SPATA7: variants seen among roughly 807,000 people sequenced by gnomAD.
The protein encoded by SPATA7 is spermatogenesis associated 7.
Under a neutral mutation model 51.8 loss-of-function variants are expected in SPATA7, and 43 were observed. The ratio of observed to expected loss-of-function variants is 0.83; its 90% CI spans 0.65 to 1.07. SPATA7 has a LOEUF of 1.07. Ranked by LOEUF, SPATA7 falls within the 50% of genes least tolerant of loss-of-function variation. SPATA7 has a pLI of 0.00. For missense variants in SPATA7, 683 were observed against 701.3 expected, an observed-to-expected ratio of 0.97 and a Z score of 0.30; for synonymous variants, 230 against 252.8, an observed-to-expected ratio of 0.91 and a Z score of 0.86.
intron 3 of SPATA7, among the ~76,000 whole-genome samples, chr14:88,394,091 C>A (rs949568061): frequency 6.6e-6 from 1 of 152,116 alleles, no homozygotes; most frequent in African/African-American, 2.4e-5. Context: ...TATTTTGTGA[C>A]CTGAAATTCA....
At chr14:88,416,058 CT>C (rs1041663590) in intron 4 of SPATA7, 4 of 152,340 alleles carry the variant, frequency 2.6e-5, no homozygotes, top group African/African-American at 9.7e-5. Context: ...CGAGCAAAAG[CT>C]TCCTGTGGTC....
Position 88,426,652 on chromosome 14 carries a change from A to C in SPATA7, c.793A>C (p.Lys265Gln), listed in dbSNP as rs553234090. The stretch of plus-strand genomic sequence containing the variant: ...TCGCTATTATACACCTGCCAAAAGA[A>C]AAAAGGATTTTACAGATCAACGGAT... ...QYRYYTPAKR[K>Q]KDFTDQRIEA... Residue 265 changes from lysine (K) to glutamine (Q), a missense_variant, in exon 6 of 12, where the codon AAA becomes CAA. By Grantham distance (53) the Lys-to-Gln change is moderately conservative. Coordinates refer to ENST00000393545, the MANE Select transcript of SPATA7 (RefSeq NM_018418.5). 1 of 1,614,036 alleles carries C rather than the reference A, an allele frequency of 6.2e-7. No individual in the cohort carries two copies. Among genetic ancestry groups the C allele is most frequent in the East Asian group, 2.2e-5 (1 of 44,880 alleles).
intron 4 of SPATA7, among the ~76,000 whole-genome samples, chr14:88,412,227 T>TC (rs200076738): frequency 1.1e-4 from 15 of 141,298 alleles, no homozygotes; most frequent in South Asian, 4.2e-4. Context: ...TCTTGCTTTT[T>TC]TTTTTTTTTT....
At position 88,416,799 on chromosome 14, in the gene SPATA7, C is replaced by A. The variant is rs1316094378; in HGVS notation, c.327C>A (p.Ala109=). The A allele has an allele frequency of 2.5e-6, 4 of 1,606,460 alleles. No homozygotes were observed. Residue 109 remains alanine (A), a synonymous_variant, in exon 5 of 12, where the codon GCC becomes GCA. Coordinates refer to ENST00000393545, the MANE Select transcript of SPATA7 (RefSeq NM_018418.5). ...AATTAACTAAAACTGCAATGCGAGC[C>A]AATTATAAAAATAATTCCAAGTCAC... ...EFKLTKTAMR[A]NYKNNSKSLF...
intron 9 of SPATA7, among the ~76,000 whole-genome samples, chr14:88,431,700 AG>A (rs2076945702): frequency 6.6e-6 from 1 of 152,184 alleles, no homozygotes; most frequent in Admixed American, 6.5e-5. Context: ...CATATGAGTG[AG>A]AACATGCGAT....
At chr14:88,455,573 A>T (rs923672195), downstream of SPATA7, among the ~76,000 whole-genome samples, 1 of 151,660 alleles carries the variant, frequency 6.6e-6, no homozygotes, top group Non-Finnish European at 1.5e-5. Flanking sequence ...CCCATTAAAT[A>T]TACACACCTT....
At chr14:88,446,280 TG>T (rs2077211787) in intron 3 of SPATA7, among the ~76,000 whole-genome samples, 1 of 152,138 alleles carries the variant, frequency 6.6e-6, no homozygotes, top group Non-Finnish European at 1.5e-5. Context: ...TAGAGGTGTT[TG>T]TAGTATTCTC....
chr14:88,442,940 ATTTT>A (rs201523703), downstream of SPATA7, among the ~76,000 whole-genome samples: 6 of 124,258 alleles, frequency 4.8e-5, no homozygotes, highest in Admixed American at 8.3e-5. Context: ...TTTGTTAGTA[ATTTT>A]TTTTTTTTTT....
intron 3 of SPATA7, among the ~76,000 whole-genome samples, chr14:88,448,593 G>GT (rs1439836169): frequency 6.6e-6 from 1 of 152,270 alleles, no homozygotes. Flanking sequence ...TTTCTGCTCT[G>GT]TTTTTTCCCC....
chr14:88,396,236 A>C (rs1342966600), intron 4 of SPATA7, 33 bp downstream of exon 4: 1 of 1,513,336 alleles, frequency 6.6e-7, no homozygotes, highest in Non-Finnish European at 9.1e-7. Flanking sequence ...TACCTTTTTA[A>C]AAAAAAATTA....
Position 88,385,845 on chromosome 14 carries a change from G to A in SPATA7, c.19+8G>A, listed in dbSNP as rs752675745. ...TGGATGGCAGCCGGAGAGGTAAAGG[G>A]CAGCTGTCAGGGGCTACCGCCGCCT... is the stretch of plus-strand genomic sequence containing the variant. On this transcript the variant is annotated splice_region_variant and intron_variant, in intron 1 of 11. Coordinates refer to ENST00000393545, the MANE Select transcript of SPATA7 (RefSeq NM_018418.5). 6.2e-7 allele frequency: 1 copy of A among 1,601,160 alleles called. No individual in the cohort carries two copies. Among genetic ancestry groups the A allele is most frequent in the Non-Finnish European group, 8.5e-7 (1 of 1,174,678 alleles).
At chr14:88,420,954 A>C (rs1321637642) in intron 5 of SPATA7, among the ~76,000 whole-genome samples, 4 of 151,934 alleles carry the variant, frequency 2.6e-5, no homozygotes, top group Non-Finnish European at 5.9e-5. Context: ...TCTCTACTAA[A>C]ATACAAAAAA....
intron 1 of SPATA7, among the ~76,000 whole-genome samples, chr14:88,390,347 A>G (rs1385739222): frequency 2.6e-5 from 4 of 152,140 alleles, no homozygotes; most frequent in African/African-American, 9.7e-5. Flanking sequence ...GATGTCACCA[A>G]GAAATCGCTT....
chr14:88,404,122 A>G (rs1248340797), intron 4 of SPATA7, among the ~76,000 whole-genome samples: 1 of 152,210 alleles, frequency 6.6e-6, no homozygotes, highest in Non-Finnish European at 1.5e-5. Context: ...TGGAAAGAAT[A>G]TATTAACCAG....
chr14:88,469,188 T>C lies in SPATA7; in HGVS notation c.255-659T>C, dbSNP rs1258387912. ...TAAGAGGACTGCAGATAAAGAGCAC[T>C]GGGTGCCAGTGAACCAAACCCAACC... On this transcript the variant is annotated intron_variant, in intron 4 of 4. Transcript: ENST00000556406. The surrounding 1 kb of genome is among the most constrained non-coding windows in gnomAD (Gnocchi z 4.3). 8.1e-7 allele frequency: 1 copy of C among 1,238,500 alleles called. No homozygotes were observed. Among genetic ancestry groups the C allele is most frequent in the Non-Finnish European group, 1.1e-6 (1 of 902,912 alleles). 76.7% of individuals were successfully genotyped at this position (1,238,500 alleles called of 1,614,324 possible). A position where few individuals can be genotyped will look rare whatever the true frequency, so the allele number is the denominator to read the frequency against.
rs1415743564 is a variant in SPATA7 at position 88,427,071 on chromosome 14, C to T, written c.845+367C>T. Among the ~76,000 whole-genome samples, 4 of 152,254 alleles carry T rather than the reference C, an allele frequency of 2.6e-5. No homozygotes were observed. The South Asian group carries it at 6.2e-4, about 24-fold the overall frequency. The stretch of plus-strand genomic sequence containing the variant: ...ATGTTAAAAGTGGCGAAACAATGGG[C>T]TATAGAGGGGAAGAAACTAACCCTT... On this transcript the variant is annotated intron_variant, in intron 6 of 11. Transcript: ENST00000393545.
intron 4 of SPATA7, among the ~76,000 whole-genome samples, chr14:88,398,037 G>A (rs958615785): frequency 4.6e-5 from 7 of 151,062 alleles, no homozygotes; most frequent in South Asian, 2.1e-4. Flanking sequence ...AGCAGAGATC[G>A]CATCACTGCA....
intron 10 of SPATA7, among the ~76,000 whole-genome samples, chr14:88,435,785 A>G (rs1377602496): frequency 6.6e-6 from 1 of 151,948 alleles, no homozygotes; most frequent in East Asian, 1.9e-4. Flanking sequence ...GCTGAATAGT[A>G]CTCCATGGTG....
intron 5 of SPATA7, among the ~76,000 whole-genome samples, chr14:88,418,953 G>A (rs182440125): frequency 1.1e-4 from 17 of 152,140 alleles, no homozygotes; most frequent in African/African-American, 4.1e-4. Flanking sequence ...CTTGTTTTAT[G>A]TCCCAGTAGG....
Sources: allele counts gnomAD v4.1 joint callset (sites outside exome capture counted in the v4.1 genomes callset), GRCh38; gene constraint gnomAD v4.1.1; non-coding constraint Gnocchi (gnomAD v3.1); transcripts MANE v1.5; gene names NCBI Gene and HGNC (gene_info 2026-07-23, HGNC 2026-07-21).